Variants in ELF5 observed in about 807,000 individuals in gnomAD.
ELF5 encodes ETS-related transcription factor Elf-5.
Under a neutral mutation model 38.2 loss-of-function variants are expected in ELF5, and 31 were observed. The ratio of observed to expected loss-of-function variants is 0.81; its 90% CI spans 0.61 to 1.10. The LOEUF (loss-of-function observed/expected upper bound fraction) is 1.10. ELF5 is among the 50% of genes least tolerant of loss of function. ELF5 has a pLI of 0.00. For missense variants in ELF5, 300 were observed against 306.6 expected (o/e 0.98, Z 0.16); for synonymous variants, 121 against 112.5 (o/e 1.08, Z -0.48).
At chr11:34,487,432 G>A (rs1318290000) in intron 4 of ELF5, among the ~76,000 whole-genome samples, 3 of 152,084 alleles carry the variant, frequency 2.0e-5, no homozygotes, top group South Asian at 2.1e-4. Flanking sequence ...CTTCCCCATC[G>A]CTGGGTCCAG....
intron 1 of ELF5, among the ~76,000 whole-genome samples, chr11:34,507,171 A>C (rs72927369): frequency 0.13 from 20,171 of 152,278 alleles, 1,491 homozygotes; most frequent in Admixed American, 0.21. Flanking sequence ...TATATATACT[A>C]TCTCGCCTTC....
At chr11:34,487,466 G>C (rs906602455) in intron 4 of ELF5, among the ~76,000 whole-genome samples, 2 of 152,142 alleles carry the variant, frequency 1.3e-5, no homozygotes, top group Admixed American at 1.3e-4. Flanking sequence ...TCACTCCTCT[G>C]GGCAGGAGCA....
chr11:34,487,378 G>A (rs921718429), intron 4 of ELF5, among the ~76,000 whole-genome samples: 1 of 152,100 alleles, frequency 6.6e-6, no homozygotes, highest in African/African-American at 2.4e-5. Flanking sequence ...CTAGCCCAGA[G>A]CCCTTGCCCC....
chr11:34,497,083 C>T (rs528224658), intron 2 of ELF5, among the ~76,000 whole-genome samples: 1 of 152,244 alleles, frequency 6.6e-6, no homozygotes, highest in East Asian at 1.9e-4. Flanking sequence ...GATGGAGAGA[C>T]TGAAGATGAT....
At chr11:34,481,114 C>A in intron 5 of ELF5, 147 bp from the exon 6 acceptor site, 1 of 554,304 alleles carries the variant, frequency 1.8e-6, no homozygotes, top group South Asian at 4.8e-5. Flanking sequence ...CCTCTGCCTC[C>A]TGGGTTCAAG....
intron 2 of ELF5, among the ~76,000 whole-genome samples, chr11:34,502,640 G>T (rs1221613325): frequency 1.3e-5 from 2 of 152,236 alleles, no homozygotes; most frequent in Non-Finnish European, 2.9e-5. Context: ...GGAGGTCAGT[G>T]ATACTGAGCT....
chr11:34,501,094 A>G (rs1241802719), intron 2 of ELF5, among the ~76,000 whole-genome samples: 1 of 152,200 alleles, frequency 6.6e-6, no homozygotes, highest in East Asian at 1.9e-4. Context: ...TTTCAAGCTC[A>G]CGTAACCCGT....
Position 34,480,299 on chromosome 11 carries a change from T to C in ELF5, c.687A>G (p.Thr229=). Residue 229 remains threonine (T), a synonymous_variant, in exon 7 of 7, where the codon ACA becomes ACG. Coordinates refer to ENST00000257832, the MANE Select transcript of ELF5 (RefSeq NM_001422.4). The part of the protein sequence containing the change: ...LSRALRYYYK[T]GILERVDRRL... ...TTCGGTCAACCCGCTCCAAAATTCCTGTTTTATAGTAGTATCTGAAAAAGC... is the reference window on the plus strand; with the variant it reads ...TTCGGTCAACCCGCTCCAAAATTCCCGTTTTATAGTAGTATCTGAAAAAGC... 6.2e-7 allele frequency: 1 copy of C among 1,614,018 alleles called. No homozygotes were observed. The highest frequency in any genetic ancestry group is 1.1e-5 in the South Asian group (1 of 91,084).
At chr11:34,483,887 C>T (rs1199997091) in intron 4 of ELF5, among the ~76,000 whole-genome samples, 1 of 126,904 alleles carries the variant, frequency 7.9e-6, no homozygotes, top group African/African-American at 3.0e-5. Flanking sequence ...TGTACTAACA[C>T]CATACTACAG....
intron 2 of ELF5, among the ~76,000 whole-genome samples, chr11:34,496,066 C>T (rs984352789): frequency 1.3e-5 from 2 of 152,212 alleles, no homozygotes; most frequent in East Asian, 3.9e-4. Flanking sequence ...CCTCCCCTCC[C>T]CTCTCTGCTT....
intron 4 of ELF5, among the ~76,000 whole-genome samples, chr11:34,488,949 CAA>C (rs1463233872): frequency 6.6e-6 from 1 of 152,144 alleles, no homozygotes; most frequent in African/African-American, 2.4e-5. Flanking sequence ...AGATGGATCA[CAA>C]GGGATTCTAC....
At chr11:34,487,609 T>G (rs1190806305) in intron 4 of ELF5, among the ~76,000 whole-genome samples, 1 of 152,192 alleles carries the variant, frequency 6.6e-6, no homozygotes, top group East Asian at 1.9e-4. Context: ...ATCCTAACTC[T>G]GCTGCCCACA....
intron 2 of ELF5, among the ~76,000 whole-genome samples, chr11:34,498,755 A>G (rs1461102161): frequency 6.6e-6 from 1 of 152,328 alleles, no homozygotes; most frequent in Non-Finnish European, 1.5e-5. Flanking sequence ...CTTCTTTGTT[A>G]TAGATAACTG....
chr11:34,482,572 G>A, intron 4 of ELF5, 73 bp from the exon 5 acceptor site: 2 of 1,217,714 alleles, frequency 1.6e-6, no homozygotes, highest in Admixed American at 2.4e-5. Flanking sequence ...ATACCCAAAT[G>A]AGCAAATACT....
chr11:34,505,158 G>C (rs948553819), intron 2 of ELF5, among the ~76,000 whole-genome samples: 3 of 152,040 alleles, frequency 2.0e-5, no homozygotes, highest in African/African-American at 7.2e-5. Flanking sequence ...GTATAAAATG[G>C]GGATAATAAT....
rs2231827 is a variant in ELF5, at chr11:34,481,065, C to T, written c.476-98G>A. 116 of 998,670 alleles carry T rather than the reference C, an allele frequency of 1.2e-4. 4 individuals carry two copies. In the Admixed American group the frequency reaches 4.1e-3, roughly 35 times the overall value. The allele number at this position is 998,670 out of a possible 1,614,324, so 61.9% of individuals were successfully genotyped here. ...TGAGACAGAGTCTTGCTCTGTCGCC[C>T]AGGCTGGAGAGCAATGGTGCGATCT... On this transcript the variant is annotated intron_variant, in intron 5 of 6. Coordinates refer to ENST00000257832, the MANE Select transcript of ELF5 (RefSeq NM_001422.4).
intron 2 of ELF5, among the ~76,000 whole-genome samples, chr11:34,499,877 G>T (rs1364891674): frequency 6.6e-6 from 1 of 152,158 alleles, no homozygotes; most frequent in African/African-American, 2.4e-5. Context: ...GCTCTTCAAT[G>T]GATTAGCTGT....
Position 34,482,512 on chromosome 11 carries a change from A to C in ELF5, c.407-13T>G, listed in dbSNP as rs776543091. 6.2e-7 allele frequency: 1 copy of C among 1,608,508 alleles called. No individual in the cohort carries two copies. Among genetic ancestry groups the C allele is most frequent in the East Asian group, 2.2e-5 (1 of 44,800 alleles). ...TTGGAATCAGCATCTGAAATAGAATAATTTATAGCAGTGGAAAGGGATATA... is the reference window on the plus strand; with the variant it reads ...TTGGAATCAGCATCTGAAATAGAATCATTTATAGCAGTGGAAAGGGATATA... On this transcript the variant is annotated splice_polypyrimidine_tract_variant and intron_variant, in intron 4 of 6. Transcript: ENST00000257832.
chr11:34,479,041 G>C lies in ELF5; in HGVS notation c.*1177C>G, dbSNP rs1279132233. ...TCAGTCACTGATAACTTACATACCA[G>C]TGATTGATGAGAAAATGTCAGTGCA... On this transcript the variant is annotated 3_prime_UTR_variant, in exon 7 of 7. Transcript: ENST00000257832. The C allele has an allele frequency of 6.6e-6, 1 of 152,642 alleles. No individual in the cohort carries two copies. The highest frequency in any genetic ancestry group is 1.5e-5 in the Non-Finnish European group (1 of 68,046). 9.5% of individuals were successfully genotyped at this position (152,642 alleles called of 1,614,324 possible).
Sources: allele counts gnomAD v4.1 joint callset (sites outside exome capture counted in the v4.1 genomes callset), GRCh38; gene constraint gnomAD v4.1.1; transcripts MANE v1.5; gene names NCBI Gene and HGNC (gene_info 2026-07-23, HGNC 2026-07-21).